Variants in PTPRD observed in about 807,000 individuals in gnomAD.
PTPRD encodes the protein receptor-type tyrosine-protein phosphatase delta.
Under a neutral mutation model 214.5 loss-of-function variants are expected in PTPRD, and 34 were observed. The ratio of observed to expected loss-of-function variants is 0.16; its 90% CI spans 0.12 to 0.21. PTPRD has a LOEUF of 0.21. Among genes scored for constraint, PTPRD ranks in the 10% least tolerant of loss-of-function variants. PTPRD has a pLI of 1.00. For synonymous variants in PTPRD, 1,128 were observed against 845.7 expected (o/e 1.33, Z -5.79); for missense variants, 2,545 against 2,398.7 (o/e 1.06, Z -1.27).
At chr9:9,609,541 C>A (rs1346414480) in intron 7 of PTPRD, among the ~76,000 whole-genome samples, 2 of 152,206 alleles carry the variant, frequency 1.3e-5, no homozygotes, top group Non-Finnish European at 2.9e-5. Context: ...TGGTTCACTG[C>A]AACCTCTGCC....
At position 8,317,789 on chromosome 9, in the gene PTPRD, C is replaced by T; in HGVS notation, c.*85G>A. 8.1e-7 allele frequency: 1 copy of T among 1,230,226 alleles called. No homozygotes were observed. The highest frequency in any genetic ancestry group is 1.2e-6 in the Non-Finnish European group (1 of 846,336). The allele number at this position is 1,230,226 out of a possible 1,614,324, so 76.2% of individuals were successfully genotyped here. A position where few individuals can be genotyped will look rare whatever the true frequency, so the allele number is the denominator to read the frequency against. On this transcript the variant is annotated 3_prime_UTR_variant, in exon 46 of 46. Transcript: ENST00000381196. ...GTTGTTAGCTAGAAGTTAAGAAGGACTTCTCAAGTGCCCTGTATGGCTCAG... is the reference window on the plus strand; with the variant it reads ...GTTGTTAGCTAGAAGTTAAGAAGGATTTCTCAAGTGCCCTGTATGGCTCAG...
intron 5 of PTPRD, among the ~76,000 whole-genome samples, chr9:9,827,534 G>A (rs556897290): frequency 3.9e-5 from 6 of 152,198 alleles, no homozygotes; most frequent in Non-Finnish European, 8.8e-5. Context: ...TTAAATGTTA[G>A]ACCTAAAACC....
At chr9:8,457,703 G>C (rs890717977) in intron 33 of PTPRD, among the ~76,000 whole-genome samples, 3 of 151,996 alleles carry the variant, frequency 2.0e-5, no homozygotes, top group African/African-American at 7.2e-5. Flanking sequence ...TGATAAAGTG[G>C]ATTATCAATA....
chr9:9,201,847 T>C (rs992894259), intron 9 of PTPRD, among the ~76,000 whole-genome samples: 2 of 152,212 alleles, frequency 1.3e-5, no homozygotes, highest in South Asian at 4.1e-4. Context: ...GCCAAATGTT[T>C]ACCATGCAGA....
intron 4 of PTPRD, among the ~76,000 whole-genome samples, chr9:9,945,467 T>A (rs151302332): frequency 5.1e-4 from 78 of 152,224 alleles, no homozygotes; most frequent in African/African-American, 1.7e-3. Flanking sequence ...AATGGAGCTG[T>A]TAATGAAATA....
At chr9:8,527,752 A>G (rs2074580549) in intron 15 of PTPRD, among the ~76,000 whole-genome samples, 2 of 152,166 alleles carry the variant, frequency 1.3e-5, no homozygotes, top group Non-Finnish European at 2.9e-5. Context: ...AATCTAAGAG[A>G]GCAAAGGCAT....
chr9:10,551,445 C>T (rs1017495687), intron 2 of PTPRD, among the ~76,000 whole-genome samples: 18 of 152,106 alleles, frequency 1.2e-4, no homozygotes, highest in South Asian at 2.1e-4. Flanking sequence ...ATGTTGAAAT[C>T]GTGACCCTGA....
intron 3 of PTPRD, among the ~76,000 whole-genome samples, chr9:10,254,809 T>A (rs950857497): frequency 6.6e-6 from 1 of 152,220 alleles, no homozygotes; most frequent in African/African-American, 2.4e-5. Flanking sequence ...ATGCTTATCA[T>A]CTGTATTTAC....
At position 8,316,733 on chromosome 9, in the gene PTPRD, TTAGG is replaced by T. The variant is rs1167660074; in HGVS notation, c.*1137_*1140del. 1 of 229,846 alleles carries T rather than the reference TTAGG, an allele frequency of 4.4e-6. No individual in the cohort carries two copies. Among genetic ancestry groups the T allele is most frequent in the African/African-American group, 2.2e-5 (1 of 44,596 alleles). 14.2% of individuals were successfully genotyped at this position (229,846 alleles called of 1,614,324 possible). On this transcript the variant is annotated 3_prime_UTR_variant, in exon 46 of 46. Transcript: ENST00000381196. The stretch of plus-strand genomic sequence containing the variant: ...GATTGATTGGTTAGGTGGGGGTAGA[TTAGG>T]TAGGAAATCAGGGGGTGAGGTTTGA...
At chr9:9,223,585 T>C (rs186162672) in intron 9 of PTPRD, among the ~76,000 whole-genome samples, 45 of 152,152 alleles carry the variant, frequency 3.0e-4, no homozygotes, top group Admixed American at 1.4e-3. Context: ...TTATTTTTTT[T>C]AAAAGTATTT....
chr9:9,998,311 C>T (rs1390112313), intron 4 of PTPRD, among the ~76,000 whole-genome samples: 1 of 150,796 alleles, frequency 6.6e-6, no homozygotes, highest in African/African-American at 2.4e-5. Flanking sequence ...GGGCTCAAAC[C>T]GTGGGTCCAG....
At chr9:9,888,280 C>T (rs1286255690) in intron 5 of PTPRD, among the ~76,000 whole-genome samples, 3 of 152,102 alleles carry the variant, frequency 2.0e-5, no homozygotes, top group South Asian at 4.2e-4. Flanking sequence ...AGATGAAGAG[C>T]GAGACTCTCC....
intron 25 of PTPRD, among the ~76,000 whole-genome samples, chr9:8,498,266 ATTTTT>A (rs953352320): frequency 6.6e-6 from 1 of 151,974 alleles, no homozygotes. Flanking sequence ...TTGCTGTCTT[ATTTTT>A]TTATTTTTTT....
At chr9:9,307,840 G>A (rs1957617422) in intron 9 of PTPRD, among the ~76,000 whole-genome samples, 1 of 152,172 alleles carries the variant, frequency 6.6e-6, no homozygotes, top group Non-Finnish European at 1.5e-5. Flanking sequence ...TGCACTTCGT[G>A]TCTGTTCTAG....
intron 11 of PTPRD, among the ~76,000 whole-genome samples, chr9:8,760,235 T>G (rs2094325128): frequency 6.6e-6 from 1 of 151,922 alleles, no homozygotes; most frequent in African/African-American, 2.4e-5. Context: ...AGAAGCTTAG[T>G]CAGAATTTTA....
Position 8,341,108 on chromosome 9 carries a change from C to T in PTPRD, c.5108G>A (p.Ser1703Asn), listed in dbSNP as rs769379370. The T allele has an allele frequency of 6.2e-6, 10 of 1,609,284 alleles. No individual in the cohort carries two copies. Among genetic ancestry groups the T allele is most frequent in the South Asian group, 5.6e-5 (5 of 90,032 alleles). The change falls in exon 41 of 46, where the codon AGT (serine) becomes AAT (asparagine). Residue 1703 changes from serine to asparagine, a missense_variant. Ser to Asn is a conservative substitution (Grantham distance 46). Coordinates refer to ENST00000381196, the MANE Select transcript of PTPRD (RefSeq NM_002839.4). ...GVEGSDYINA[S>N]FIDGYRQQKA... ...TAGATACCTGTATCCATCAATAAAA[C>T]TGGCATTGATGTAATCAGATCCTTC...
chr9:8,606,534 C>T (rs2095223551), intron 14 of PTPRD, among the ~76,000 whole-genome samples: 1 of 152,082 alleles, frequency 6.6e-6, no homozygotes, highest in East Asian at 1.9e-4. Flanking sequence ...CAATTTATTT[C>T]CAGGGAGTAA....
At chr9:9,839,664 G>A (rs529891582) in intron 5 of PTPRD, among the ~76,000 whole-genome samples, 137 of 152,122 alleles carry the variant, frequency 9.0e-4, no homozygotes, top group African/African-American at 3.3e-3. Flanking sequence ...TCCCCATCAA[G>A]CTACCAATGA....
intron 30 of PTPRD, among the ~76,000 whole-genome samples, chr9:8,475,347 T>C (rs1418120528): frequency 1.3e-5 from 2 of 152,200 alleles, no homozygotes; most frequent in Non-Finnish European, 2.9e-5. Flanking sequence ...CTGTTATTTC[T>C]ATGTATATCT....
Sources: gnomAD v4.1 joint callset for allele counts (sites outside exome capture counted in the v4.1 genomes callset) on GRCh38, gnomAD v4.1.1 for gene constraint, MANE v1.5 for transcripts, NCBI Gene and HGNC (gene_info 2026-07-23, HGNC 2026-07-21) for gene names.